ANO3: variants seen among roughly 807,000 people sequenced by gnomAD.
ANO3 encodes anoctamin 3.
In ANO3, 99 loss-of-function variants were observed where a neutral mutation model predicts 144.8. The ratio of observed to expected loss-of-function variants is 0.68; its 90% CI spans 0.58 to 0.81. The LOEUF (loss-of-function observed/expected upper bound fraction) is 0.81, where lower values mean the gene tolerates loss of function less well. Ranked by LOEUF, ANO3 falls within the 30% of genes least tolerant of loss-of-function variation. ANO3 has a pLI of 0.00. For synonymous variants in ANO3, 414 were observed against 392.6 expected (o/e 1.05, Z -0.64); for missense variants, 905 against 1,202.2 (o/e 0.75, Z 3.66).
At chr11:26,272,016 C>T (rs1215479494) in intron 1 of ANO3, among the ~76,000 whole-genome samples, 2 of 151,996 alleles carry the variant, frequency 1.3e-5, no homozygotes, top group Non-Finnish European at 2.9e-5. Flanking sequence ...GTTCCTGCTG[C>T]TAGTGTGGTG....
At chr11:26,360,421 G>A (rs1855896280) in intron 1 of ANO3, among the ~76,000 whole-genome samples, 1 of 152,038 alleles carries the variant, frequency 6.6e-6, no homozygotes, top group Non-Finnish European at 1.5e-5. Flanking sequence ...AAGATGGTGG[G>A]GAAGTAGAAA....
At chr11:26,301,531 G>A (rs1390736629) in intron 1 of ANO3, among the ~76,000 whole-genome samples, 1 of 152,058 alleles carries the variant, frequency 6.6e-6, no homozygotes, top group African/African-American at 2.4e-5. Context: ...TAATTCAAGT[G>A]CTCCAAGGAT....
intron 1 of ANO3, among the ~76,000 whole-genome samples, chr11:26,431,751 G>A (rs1858098869): frequency 6.6e-6 from 1 of 152,112 alleles, no homozygotes; most frequent in Non-Finnish European, 1.5e-5. Context: ...TGGCTGTGTA[G>A]TATTCCATAG....
Position 26,598,438 on chromosome 11 carries a change from A to G in ANO3, c.1521A>G (p.Glu507=). Residue 507 remains glutamate, a synonymous_variant, in exon 15 of 27, where the codon GAA becomes GAG. Transcript: ENST00000256737. ...LTYTWDLIEW[E]EEEETLRPQF... ...ATACTTGGGACCTTATCGAATGGGA[A>G]GAAGAGGAGGTAAGATGTTAGGATA... 6.3e-7 allele frequency: 1 copy of G among 1,586,324 alleles called. No homozygotes were observed.
rs1222083161 is a variant in ANO3 at position 26,311,989 on chromosome 11, TCCCTC to T, written c.-3+2272_-3+2276del. 4.6e-5 allele frequency among the ~76,000 whole-genome samples: 7 copies of T among 152,288 alleles called. No individual in the cohort carries two copies. In the South Asian group the frequency reaches 1.4e-3, roughly 32 times the overall value. ...ACATTAGGTATATCTCCTAATTCTA[TCCCTC>T]CGCTCTCCCCCAACCCCACAACAGG... On this transcript the variant is annotated intron_variant, in intron 1 of 26. Coordinates refer to the ANO3 transcript ENST00000525139.
chr11:26,584,981 G>A (rs1851236211), intron 14 of ANO3, among the ~76,000 whole-genome samples: 1 of 152,170 alleles, frequency 6.6e-6, no homozygotes, highest in Admixed American at 6.6e-5. Context: ...ACAGAGTTAT[G>A]CTTTATTGTC....
At position 26,519,679 on chromosome 11, in the gene ANO3, C is replaced by G. The variant is rs146550678; in HGVS notation, c.692+2752C>G. Among the ~76,000 whole-genome samples the G allele has an allele frequency of 9.9e-3, 1,501 of 152,268 alleles. 33 individuals are homozygous for G. The highest frequency in any genetic ancestry group is 0.052 in the South Asian group (252 of 4,816). The stretch of plus-strand genomic sequence containing the variant: ...TCCTCCAATTCATGAGGATTCCACT[C>G]TTATGACCTAAATACTTCCCAAAGG... On this transcript the variant is annotated intron_variant, in intron 6 of 26. Transcript: ENST00000256737.
At chr11:26,562,531 T>C (rs915786116) in intron 14 of ANO3, among the ~76,000 whole-genome samples, 1 of 151,956 alleles carries the variant, frequency 6.6e-6, no homozygotes, top group African/African-American at 2.4e-5. Context: ...ATTTTTAGTA[T>C]ACATATTTCT....
At chr11:26,637,415 T>C (rs1852996710) in intron 20 of ANO3, among the ~76,000 whole-genome samples, 1 of 152,176 alleles carries the variant, frequency 6.6e-6, no homozygotes, top group Non-Finnish European at 1.5e-5. Context: ...GAGCAATGGA[T>C]TGGGGAAATG....
intron 5 of ANO3, among the ~76,000 whole-genome samples, chr11:26,509,691 A>G (rs1355324018): frequency 6.6e-6 from 1 of 152,218 alleles, no homozygotes; most frequent in Non-Finnish European, 1.5e-5. Context: ...TTGATGAAAT[A>G]TCTAGATAAT....
intron 14 of ANO3, chr11:26,565,767 G>T (rs1439809242): frequency 1.2e-6 from 2 of 1,607,316 alleles, no homozygotes; most frequent in Non-Finnish European, 1.7e-6. Flanking sequence ...GTTCTGTGTT[G>T]TGTTTATGTC....
chr11:26,534,290 C>G (rs1849447562), intron 8 of ANO3, among the ~76,000 whole-genome samples, 166 bp from the exon 9 acceptor site: 1 of 152,032 alleles, frequency 6.6e-6, no homozygotes, highest in Non-Finnish European at 1.5e-5. Flanking sequence ...TTGATAATGC[C>G]TTGTATTATT....
At chr11:26,581,470 C>T (rs1363867245) in intron 14 of ANO3, among the ~76,000 whole-genome samples, 10 of 151,902 alleles carry the variant, frequency 6.6e-5, no homozygotes, top group African/African-American at 2.4e-4. Flanking sequence ...AGGTGGATCA[C>T]CTGAGGTCAG....
rs529537321 is a variant in ANO3, at chr11:26,454,323, C to A, written c.314-8707C>A. Among the ~76,000 whole-genome samples the A allele has an allele frequency of 1.2e-4, 18 of 152,080 alleles. No homozygotes were observed. In the East Asian group the frequency reaches 3.3e-3, roughly 28 times the overall value. ...TGAAAGGATCAACAAAATTGATAGA[C>A]CACTAGCAAGACTAATAAAGAAGAA... On this transcript the variant is annotated intron_variant, in intron 3 of 26. Transcript: ENST00000256737.
chr11:26,259,521 G>A (rs1030501756), intron 1 of ANO3, among the ~76,000 whole-genome samples: 3 of 141,848 alleles, frequency 2.1e-5, no homozygotes, highest in Non-Finnish European at 4.5e-5. Context: ...GGTGGTGTGT[G>A]CCTGTAGTCC....
intron 1 of ANO3, among the ~76,000 whole-genome samples, chr11:26,434,229 C>G (rs760052125): frequency 3.9e-5 from 6 of 152,150 alleles, no homozygotes; most frequent in Non-Finnish European, 8.8e-5. Context: ...TTAATACTCT[C>G]TGATGGTTAC....
rs1590513995 is a variant in ANO3, at chr11:26,553,231, T to G, written c.1290-18T>G. On this transcript the variant is annotated intron_variant, in intron 12 of 26. Transcript: ENST00000256737. ...CATGCTATGTTTTGTTTTGTTTTTG[T>G]TTTTGTTTTTTCTCAAGCCAAGAAA... 3 of 1,227,268 alleles carry G rather than the reference T, an allele frequency of 2.4e-6. 1 individual carries two copies. Among genetic ancestry groups the G allele is most frequent in the Admixed American group, 2.2e-5 (1 of 45,442 alleles). The allele number at this position is 1,227,268 out of a possible 1,614,324, so 76.0% of individuals were successfully genotyped here. A position where few individuals can be genotyped will look rare whatever the true frequency, so the allele number is the denominator to read the frequency against.
intron 1 of ANO3, among the ~76,000 whole-genome samples, chr11:26,320,643 A>C: frequency 6.6e-6 from 1 of 152,256 alleles, no homozygotes; most frequent in African/African-American, 2.4e-5. Flanking sequence ...TGTATGGTTT[A>C]GTGCATAAAA....
At chr11:26,515,173 A>G (rs1861814436) in intron 5 of ANO3, among the ~76,000 whole-genome samples, 1 of 152,016 alleles carries the variant, frequency 6.6e-6, no homozygotes, top group Admixed American at 6.6e-5. Context: ...TTTGAAACAA[A>G]TGTATTTTAA....
Sources: gnomAD v4.1 joint callset for allele counts (sites outside exome capture counted in the v4.1 genomes callset) on GRCh38, gnomAD v4.1.1 for gene constraint, MANE v1.5 for transcripts, NCBI Gene and HGNC (gene_info 2026-07-23, HGNC 2026-07-21) for gene names.